The following TSPEAR variants were observed in gnomAD, a reference collection of about 807,000 sequenced individuals.
TSPEAR encodes thrombospondin type laminin G domain and EAR repeats.
TSPEAR carries 69 observed loss-of-function variants against 71.6 expected under a neutral mutation model. The observed-to-expected ratio is 0.96, with a 90% CI of 0.79 to 1.18. The LOEUF is 1.18. TSPEAR is among the 50% of genes most tolerant of loss of function. The pLI, the probability that TSPEAR is intolerant of heterozygous loss-of-function variation, is 0.00. For synonymous variants in TSPEAR, 402 were observed against 387.2 expected (o/e 1.04, Z -0.45); for missense variants, 971 against 894.9 (o/e 1.09, Z -1.09).
chr21:44,532,646 G>A (rs902971646), intron 3 of TSPEAR, among the ~76,000 whole-genome samples: 40 of 152,210 alleles, frequency 2.6e-4, no homozygotes, highest in African/African-American at 8.9e-4. Context: ...ATATTTAATA[G>A]ATTTAATATA....
chr21:44,676,314 A>G (rs2838623), intron 1 of TSPEAR: 867,818 of 1,195,358 alleles, frequency 0.73, 316,685 homozygotes, highest in African/African-American at 0.83. Flanking sequence ...CTAAAGCTTT[A>G]GTAAATTCAT....
Position 44,648,841 on chromosome 21 carries a change from C to T in TSPEAR, c.82+62592G>A, listed in dbSNP as rs368364165. Among the ~76,000 whole-genome samples the T allele has an allele frequency of 5.3e-5, 8 of 152,340 alleles. 1 individual carries two copies. Among genetic ancestry groups the T allele is most frequent in the African/African-American group, 9.6e-5 (4 of 41,584 alleles). On this transcript the variant is annotated intron_variant, in intron 1 of 11. Transcript: ENST00000323084. ...GCTGACATGCAGGTCTGCTGGTGGC[C>T]GTGTGTCCATGCAACTGTCCAAGCC...
At chr21:44,539,584 G>A in intron 2 of TSPEAR, 5 of 1,613,628 alleles carry the variant, frequency 3.1e-6, no homozygotes, top group Non-Finnish European at 4.2e-6. Context: ...AGACAGGCTT[G>A]CAACGGACGG....
rs2052623567 is a variant in TSPEAR at position 44,517,723 on chromosome 21, C to CG, written c.1566+4159dup. ...GGCAGTGGCCAGCGTCCTTGTCCTG[C>CG]GGGGGCTCTGTGGACATCACTCGCC... On this transcript the variant is annotated intron_variant, in intron 9 of 11. Transcript: ENST00000323084. 4.0e-5 allele frequency: 19 copies of CG among 469,922 alleles called. 1 individual carries two copies. Among genetic ancestry groups the CG allele is most frequent in the South Asian group, 2.8e-4 (18 of 64,510 alleles). 29.1% of individuals were successfully genotyped at this position (469,922 alleles called of 1,614,324 possible).
Position 44,528,474 on chromosome 21 carries a change from G to C in TSPEAR, c.900C>G (p.Asn300Lys), listed in dbSNP as rs139106120. ...SRKGLYLCVGNEWVSVLAAKE... is the reference protein window; with the variant it reads ...SRKGLYLCVGKEWVSVLAAKE... ...CACCTGCTAACACGGAGACCCACTC[G>C]TTGCCAACACACAGATACAGGCCCT... The change falls in exon 6 of 12, where the codon AAC (asparagine) becomes AAG (lysine). Residue 300 changes from asparagine to lysine, a missense_variant. Transcript: ENST00000323084. 4 of 1,613,968 alleles carry C rather than the reference G, an allele frequency of 2.5e-6. No homozygotes were observed. The highest frequency in any genetic ancestry group is 3.4e-6 in the Non-Finnish European group (4 of 1,179,962).
Position 44,706,875 on chromosome 21 carries a change from C to T in TSPEAR, c.82+4558G>A, listed in dbSNP as rs369447522. 1.4e-4 allele frequency among the ~76,000 whole-genome samples: 22 copies of T among 152,322 alleles called. No homozygotes were observed. In the East Asian group the frequency reaches 3.7e-3, roughly 25 times the overall value. Reference sequence around the variant, plus strand: ...CCTCCTACGCAGACCCCACCCAGGGCCAAAGCCAACCCCAAGCCCCACCAC... The same window carrying T: ...CCTCCTACGCAGACCCCACCCAGGGTCAAAGCCAACCCCAAGCCCCACCAC... On this transcript the variant is annotated intron_variant, in intron 1 of 11. Coordinates refer to ENST00000323084, the MANE Select transcript of TSPEAR (RefSeq NM_144991.3).
In TSPEAR at chr21:44,580,699, C is replaced by T. The variant is rs375629591; in HGVS notation, c.83-12694G>A. The T allele has an allele frequency of 5.4e-4, 573 of 1,067,780 alleles. 6 individuals are homozygous for T. In the African/African-American group the frequency reaches 7.4e-3, roughly 14 times the overall value. 66.1% of individuals were successfully genotyped at this position (1,067,780 alleles called of 1,614,324 possible). On this transcript the variant is annotated intron_variant, in intron 1 of 11. Transcript: ENST00000323084. Reference sequence around the variant, plus strand: ...AGGGCTGTGGGGCTTTTAAATCCCTCCCTGGCGTGTGTTGTCCCGACAGGA... The same window carrying T: ...AGGGCTGTGGGGCTTTTAAATCCCTTCCTGGCGTGTGTTGTCCCGACAGGA...
At chr21:44,549,910 C>T (rs1270988960) in intron 2 of TSPEAR, among the ~76,000 whole-genome samples, 40 of 152,350 alleles carry the variant, frequency 2.6e-4, no homozygotes, top group Middle Eastern at 3.4e-3. Flanking sequence ...CGCCCCTGAG[C>T]GTATGTGAGT....
chr21:44,592,608 C>T, intron 1 of TSPEAR: 1 of 1,435,222 alleles, frequency 7.0e-7, no homozygotes, highest in Non-Finnish European at 9.3e-7. Context: ...TTGCCGAGAG[C>T]TGGAGTCTGC....
rs1429929733 is a variant in TSPEAR at position 44,499,710 on chromosome 21, C to T, written c.*73G>A. On this transcript the variant is annotated 3_prime_UTR_variant, in exon 12 of 12. Transcript: ENST00000323084. ...CCTAGGCTGGGCCCACCTGGACGTC[C>T]AGGGTCAGTTGGGGGAGGTGCTGGG... is the stretch of plus-strand genomic sequence containing the variant. 19 of 1,453,112 alleles carry T rather than the reference C, an allele frequency of 1.3e-5. No homozygotes were observed. Among genetic ancestry groups the T allele is most frequent in the Non-Finnish European group, 1.5e-5 (17 of 1,097,598 alleles). The allele number at this position is 1,453,112 out of a possible 1,614,324, so 90.0% of individuals were successfully genotyped here.
At chr21:44,533,520 G>A (rs1555915949) in intron 3 of TSPEAR, among the ~76,000 whole-genome samples, 165 bp downstream of exon 3, 1 of 151,784 alleles carries the variant, frequency 6.6e-6, no homozygotes, top group Non-Finnish European at 1.5e-5. Context: ...GTCGGCTCCT[G>A]CCCCGTGGAT....
chr21:44,579,404 C>T, intron 1 of TSPEAR: 1 of 377,788 alleles, frequency 2.6e-6, no homozygotes, highest in Non-Finnish European at 4.8e-6. Flanking sequence ...GGCTAGAGAC[C>T]AATCTGAGCT....
intron 1 of TSPEAR, chr21:44,698,062 T>C (rs1011700482): frequency 8.2e-7 from 1 of 1,224,618 alleles, no homozygotes; most frequent in Non-Finnish European, 1.1e-6. Context: ...TGTCTCTTCC[T>C]TGGAGATGCG....
At chr21:44,637,331 C>T in intron 1 of TSPEAR, 1 of 1,458,588 alleles carries the variant, frequency 6.9e-7, no homozygotes, top group East Asian at 2.3e-5. Flanking sequence ...TATAAAAGCC[C>T]CAGCAGCTGA....
chr21:44,524,170 ATCAG>A (rs1465406756), intron 8 of TSPEAR, among the ~76,000 whole-genome samples: 2 of 148,330 alleles, frequency 1.3e-5, no homozygotes, highest in African/African-American at 5.0e-5. Context: ...TAGTTAGGTA[ATCAG>A]TCAGTCAGAC....
intron 1 of TSPEAR, chr21:44,681,857 G>T (rs1986607906): frequency 6.2e-7 from 1 of 1,612,936 alleles, no homozygotes; most frequent in Admixed American, 1.7e-5. Context: ...GGGTGCTGCA[G>T]GAGATGGGTC....
intron 1 of TSPEAR, among the ~76,000 whole-genome samples, chr21:44,636,825 G>T (rs1555936769): frequency 6.6e-6 from 1 of 152,228 alleles, no homozygotes. Context: ...CTGTCCAGAG[G>T]CCTTGCCAGA....
At chr21:44,512,791 T>TGGGCATGGAGGTCTGTCCA (rs1267994344) in intron 9 of TSPEAR, among the ~76,000 whole-genome samples, 1 of 151,820 alleles carries the variant, frequency 6.6e-6, no homozygotes, top group Admixed American at 6.6e-5. Context: ...GCTGTGGGGG[T>TGGGCATGGAGGTCTGTCCA]GGGCATGGAG....
intron 1 of TSPEAR, chr21:44,647,521 G>A: frequency 1.2e-6 from 1 of 841,098 alleles, no homozygotes; most frequent in Non-Finnish European, 1.8e-6. Flanking sequence ...CACTGTCTGG[G>A]AAGAGACAAC....
Sources: allele counts gnomAD v4.1 joint callset (sites outside exome capture counted in the v4.1 genomes callset), GRCh38; gene constraint gnomAD v4.1.1; transcripts MANE v1.5; gene names NCBI Gene and HGNC (gene_info 2026-07-23, HGNC 2026-07-21).